SLMAP: variants seen among roughly 807,000 people sequenced by gnomAD.
SLMAP encodes sarcolemmal membrane-associated protein.
SLMAP carries 44 observed loss-of-function variants against 128.8 expected under a neutral mutation model. The observed-to-expected ratio is 0.34, with a 90% CI of 0.27 to 0.44. The LOEUF (loss-of-function observed/expected upper bound fraction) is 0.44, where lower values mean the gene tolerates loss of function less well. Among genes scored for constraint, SLMAP ranks in the 20% least tolerant of loss-of-function variants. SLMAP has a pLI of 1.00. For synonymous variants in SLMAP, 327 were observed against 348.8 expected (o/e 0.94, Z 0.70); for missense variants, 787 against 985.3 (o/e 0.80, Z 2.69).
At chr3:57,845,844 C>A (rs575909756) in intron 4 of SLMAP, among the ~76,000 whole-genome samples, 36 of 151,928 alleles carry the variant, frequency 2.4e-4, no homozygotes, top group African/African-American at 7.7e-4. Context: ...ATCTCCCCCC[C>A]ACCTTTTTTT....
chr3:57,902,503 A>C (rs1217819503), intron 17 of SLMAP, among the ~76,000 whole-genome samples: 1 of 152,140 alleles, frequency 6.6e-6, no homozygotes, highest in Non-Finnish European at 1.5e-5. Context: ...CATTTTGGGG[A>C]GGTTTATTGA....
chr3:57,786,428 A>G (rs868302431), intron 2 of SLMAP, among the ~76,000 whole-genome samples: 2 of 152,220 alleles, frequency 1.3e-5, no homozygotes, highest in Non-Finnish European at 2.9e-5. Context: ...GGCCATGCAT[A>G]ATGCAATTGG....
intron 17 of SLMAP, chr3:57,900,037 G>A (rs2153664151): frequency 6.6e-6 from 1 of 152,220 alleles, no homozygotes; most frequent in Non-Finnish European, 1.5e-5. Context: ...AGGTTCAATA[G>A]ACTGACATAA....
intron 2 of SLMAP, among the ~76,000 whole-genome samples, chr3:57,789,731 T>C (rs1038465295): frequency 3.3e-5 from 5 of 152,210 alleles, no homozygotes; most frequent in African/African-American, 4.8e-5. Context: ...AATTAGAAAT[T>C]CAGCAGCTAT....
Position 57,757,672 on chromosome 3 carries a change from C to T in SLMAP, c.21C>T (p.Ile7=). Residue 7 remains isoleucine (I), a synonymous_variant, in exon 2 of 25, where the codon ATC becomes ATT. Coordinates refer to ENST00000671191, the MANE Select transcript of SLMAP (RefSeq NM_001377540.1). The part of the protein sequence containing the change: MPSALA[I]FTCRPNSHPF... ...CCTCGATGCCGTCAGCCTTGGCCAT[C>T]TTCACTTGCCGCCCGAACTCGCACC... 6.2e-7 allele frequency: 1 copy of T among 1,614,162 alleles called. No individual in the cohort carries two copies. Among genetic ancestry groups the T allele is most frequent in the Non-Finnish European group, 8.5e-7 (1 of 1,180,040 alleles).
intron 17 of SLMAP, 152 bp from the exon 18 acceptor site, chr3:57,907,732 A>G (rs901820340): frequency 5.3e-6 from 3 of 564,138 alleles, no homozygotes; most frequent in South Asian, 6.0e-5. Context: ...CAACTACTAA[A>G]ATGCTTACTA....
At chr3:57,846,023 G>C (rs1030089751) in intron 4 of SLMAP, among the ~76,000 whole-genome samples, 2 of 152,122 alleles carry the variant, frequency 1.3e-5, no homozygotes, top group Non-Finnish European at 2.9e-5. Context: ...TGTATTATTA[G>C]TAGAGATGAC....
At chr3:57,757,961 C>A in intron 2 of SLMAP, 112 bp downstream of exon 2, 1 of 898,090 alleles carries the variant, frequency 1.1e-6, no homozygotes, top group Non-Finnish European at 1.7e-6. Context: ...CCAGAGGAGG[C>A]TTTGCGCAAA....
intron 14 of SLMAP, among the ~76,000 whole-genome samples, chr3:57,883,419 T>A (rs2095799028): frequency 6.6e-6 from 1 of 152,070 alleles, no homozygotes. Flanking sequence ...TTGTTGTTGC[T>A]GACAGAGATC....
intron 2 of SLMAP, among the ~76,000 whole-genome samples, chr3:57,818,422 T>C (rs981772876): frequency 6.6e-6 from 1 of 152,228 alleles, no homozygotes. Context: ...CCCAAAGTGC[T>C]GGGATTACAG....
At position 57,871,682 on chromosome 3, in the gene SLMAP, A is replaced by G. The variant is rs1465764372; in HGVS notation, c.1284A>G (p.Gln428=). Residue 428 remains glutamine (Q), a synonymous_variant, in exon 14 of 25, where the codon CAA becomes CAG. Coordinates refer to ENST00000671191, the MANE Select transcript of SLMAP (RefSeq NM_001377540.1). The stretch of plus-strand genomic sequence containing the variant: ...GCGGGGACTGCACTTTTATTCATCA[A>G]TTCATAGAATGCCAGAGTGAGTACA... ...KSGGDCTFIH[Q]FIECQKKLIV... is the part of the protein sequence containing the mutation. 6.2e-6 allele frequency: 10 copies of G among 1,612,284 alleles called. No individual in the cohort carries two copies. In the Admixed American group the frequency reaches 1.7e-4, roughly 27 times the overall value.
chr3:57,869,661 A>ATATATATATATATATAT (rs1560338623), intron 13 of SLMAP, among the ~76,000 whole-genome samples: 2 of 62,120 alleles, frequency 3.2e-5, no homozygotes, highest in African/African-American at 5.6e-5. Flanking sequence ...TATATATATA[A>ATATATATATATATATAT]TATATATAAA....
chr3:57,855,732 A>C (rs1423442444), intron 6 of SLMAP, among the ~76,000 whole-genome samples: 2 of 150,918 alleles, frequency 1.3e-5, no homozygotes, highest in Non-Finnish European at 3.0e-5. Flanking sequence ...AAAACAAAAA[A>C]AAAAACTTTA....
Position 57,823,123 on chromosome 3 carries a change from A to T in SLMAP, c.199-8260A>T, listed in dbSNP as rs573759290. On this transcript the variant is annotated intron_variant, in intron 2 of 24. Coordinates refer to ENST00000671191, the MANE Select transcript of SLMAP (RefSeq NM_001377540.1). ...GAAAGTATGGCCCATTGCTGGGGGG[A>T]AAAATGGACAGAAACCATCCTTGGG... Among the ~76,000 whole-genome samples, 206 of 152,276 alleles carry T rather than the reference A, an allele frequency of 1.4e-3. 1 individual carries two copies. The highest frequency in any genetic ancestry group is 4.3e-3 in the African/African-American group (180 of 41,560).
chr3:57,924,800 GA>G (rs562632439), intron 23 of SLMAP, among the ~76,000 whole-genome samples: 13 of 149,536 alleles, frequency 8.7e-5, no homozygotes, highest in South Asian at 2.1e-4. Context: ...AGCTTTGGTT[GA>G]AAAAAAAAAT....
intron 22 of SLMAP, 85 bp from the exon 23 acceptor site, chr3:57,922,804 G>C: frequency 8.0e-7 from 1 of 1,245,224 alleles, no homozygotes; most frequent in South Asian, 1.4e-5. Context: ...GACTAAATAG[G>C]ATCTGGCGTA....
At chr3:57,813,756 G>T (rs1355950738) in intron 2 of SLMAP, among the ~76,000 whole-genome samples, 2 of 152,116 alleles carry the variant, frequency 1.3e-5, no homozygotes, top group Admixed American at 6.6e-5. Context: ...ATCCATGGTG[G>T]CTTTGGTGTC....
intron 2 of SLMAP, among the ~76,000 whole-genome samples, chr3:57,759,814 T>C (rs2078261957): frequency 6.6e-6 from 1 of 152,254 alleles, no homozygotes; most frequent in Non-Finnish European, 1.5e-5. Context: ...GTTTTACTTA[T>C]TTGAAAAATA....
chr3:57,922,934 G>C lies in SLMAP; in HGVS notation c.2356G>C (p.Glu786Gln). The C allele has an allele frequency of 6.2e-7, 1 of 1,613,644 alleles. No homozygotes were observed. The highest frequency in any genetic ancestry group is 1.3e-5 in the African/African-American group (1 of 75,016). Residue 786 changes from glutamate (E) to glutamine (Q), a missense_variant, in exon 23 of 25, where the codon GAA (glutamate) becomes CAA (glutamine). Transcript: ENST00000671191. ...ACTCTCAGAACTGAAGTTGAAGTTT[G>C]AAATGACTGAGCAGGAAAAGCAGTC... ...TVLSELKLKF[E>Q]MTEQEKQSIT...
Sources: gnomAD v4.1 joint callset for allele counts (sites outside exome capture counted in the v4.1 genomes callset) on GRCh38, gnomAD v4.1.1 for gene constraint, MANE v1.5 for transcripts, NCBI Gene and HGNC (gene_info 2026-07-23, HGNC 2026-07-21) for gene names.